Variants in DLC1 observed in about 807,000 individuals in gnomAD.
DLC1 encodes the protein DLC1 Rho GTPase activating protein.
A neutral mutation model predicts 140.3 loss-of-function variants in DLC1; 54 were observed. The observed-to-expected ratio is 0.38, with a 90% CI of 0.31 to 0.48. DLC1 has a LOEUF of 0.48. DLC1 is among the 20% of genes least tolerant of loss of function. DLC1 has a pLI of 0.96. For synonymous variants in DLC1, 986 were observed against 728.1 expected, an observed-to-expected ratio of 1.35 and a Z score of -5.70; for missense variants, 2,536 against 1,907.0, an observed-to-expected ratio of 1.33 and a Z score of -6.14.
intron 1 of DLC1, among the ~76,000 whole-genome samples, chr8:13,549,687 G>GCGT (rs1259693764): frequency 6.6e-6 from 1 of 152,080 alleles, no homozygotes; most frequent in Non-Finnish European, 1.5e-5. Flanking sequence ...ATTGAAATAG[G>GCGT]CCTGCCTGGC....
At chr8:13,240,073 G>C (rs1361324373) in intron 5 of DLC1, among the ~76,000 whole-genome samples, 1 of 152,048 alleles carries the variant, frequency 6.6e-6, no homozygotes, top group East Asian at 1.9e-4. Context: ...AAGATTAGGG[G>C]GACTTTTTTT....
intron 4 of DLC1, among the ~76,000 whole-genome samples, chr8:13,373,946 A>T (rs1271071784): frequency 6.6e-6 from 1 of 152,210 alleles, no homozygotes; most frequent in Non-Finnish European, 1.5e-5. Context: ...TTTATGGAAA[A>T]TTTGGCATAA....
At chr8:13,152,811 T>C (rs1265402587) in intron 5 of DLC1, among the ~76,000 whole-genome samples, 2 of 25,282 alleles carry the variant, frequency 7.9e-5, no homozygotes, top group African/African-American at 3.0e-4. Flanking sequence ...ACTGAGACCC[T>C]GTCTCTGGGG....
At chr8:13,214,849 G>T in intron 5 of DLC1, 1 of 748,550 alleles carries the variant, frequency 1.3e-6, no homozygotes. Context: ...TCAATGAGTG[G>T]CAATAGATGG....
intron 10 of DLC1, among the ~76,000 whole-genome samples, chr8:13,097,098 T>A (rs990143824): frequency 7.2e-5 from 11 of 152,160 alleles, no homozygotes; most frequent in African/African-American, 2.7e-4. Flanking sequence ...GAACAATTTG[T>A]ACAATGCATT....
chr8:13,188,813 A>G (rs1826549398), intron 5 of DLC1, among the ~76,000 whole-genome samples: 1 of 39,754 alleles, frequency 2.5e-5, no homozygotes, highest in Non-Finnish European at 4.8e-5. Flanking sequence ...ATATATATAT[A>G]TATATATATA....
At chr8:13,478,841 C>T (rs1025640238) in intron 2 of DLC1, among the ~76,000 whole-genome samples, 9 of 152,204 alleles carry the variant, frequency 5.9e-5, no homozygotes, top group East Asian at 1.9e-4. Flanking sequence ...CTTCAATTCT[C>T]GTTCTCCTTT....
At chr8:13,226,005 A>C (rs1022667934) in intron 5 of DLC1, among the ~76,000 whole-genome samples, 2 of 152,024 alleles carry the variant, frequency 1.3e-5, no homozygotes, top group African/African-American at 4.8e-5. Flanking sequence ...CTTGAACTCC[A>C]GGGCTCAATT....
At chr8:13,385,817 C>T (rs902442288) in intron 4 of DLC1, among the ~76,000 whole-genome samples, 7 of 152,126 alleles carry the variant, frequency 4.6e-5, no homozygotes, top group Admixed American at 2.6e-4. Flanking sequence ...AAGACATGAG[C>T]ACAGAGGCCA....
In DLC1 at chr8:13,088,521, C is replaced by T. The variant is rs1255814494; in HGVS notation, c.4258G>A (p.Ala1420Thr). 6.2e-6 allele frequency: 10 copies of T among 1,614,218 alleles called. No homozygotes were observed. Among genetic ancestry groups the T allele is most frequent in the East Asian group, 4.5e-5 (2 of 44,878 alleles). Residue 1420 changes from alanine to threonine, a missense_variant, in exon 16 of 18, where the codon GCA becomes ACA. Physicochemically the swap from Ala to Thr is moderately conservative, Grantham distance 58. Transcript: ENST00000276297. Reference sequence around the variant, plus strand: ...ACGTAGTCTCGAGCAGGATGAGGTGCCATACTGTTTTGGACATACTGGTAA... The same window carrying T: ...ACGTAGTCTCGAGCAGGATGAGGTGTCATACTGTTTTGGACATACTGGTAA... ...EIYQYVQNSM[A>T]PHPARDYVVL...
At chr8:13,304,793 C>T (rs1030502417) in intron 5 of DLC1, 1 of 960,460 alleles carries the variant, frequency 1.0e-6, no homozygotes, top group Non-Finnish European at 1.2e-6. Context: ...GCACAGAACA[C>T]AGAAAAATAC....
At chr8:13,594,164 A>T (rs916946467) in intron 1 of DLC1, among the ~76,000 whole-genome samples, 1 of 152,130 alleles carries the variant, frequency 6.6e-6, no homozygotes, top group Non-Finnish European at 1.5e-5. Flanking sequence ...TGGTCTCAAA[A>T]GAAGGAAAAA....
intron 5 of DLC1, among the ~76,000 whole-genome samples, chr8:13,293,886 T>C (rs370784144): frequency 7.2e-5 from 11 of 152,166 alleles, no homozygotes; most frequent in East Asian, 3.9e-4. Context: ...TAGATTTGTC[T>C]CATCTAATTA....
At chr8:13,520,591 T>C (rs922938411) in intron 1 of DLC1, among the ~76,000 whole-genome samples, 45 of 152,172 alleles carry the variant, frequency 3.0e-4, no homozygotes, top group African/African-American at 1.0e-3. Flanking sequence ...CTGCATGTTC[T>C]GCAAATGTAA....
At chr8:13,240,378 G>C (rs1423929427) in intron 5 of DLC1, among the ~76,000 whole-genome samples, 1 of 152,086 alleles carries the variant, frequency 6.6e-6, no homozygotes, top group Non-Finnish European at 1.5e-5. Flanking sequence ...TTTTAACTTT[G>C]GTGGAGAAAA....
intron 5 of DLC1, among the ~76,000 whole-genome samples, chr8:13,188,823 A>ATATATATATT (rs1826558185): frequency 2.6e-5 from 1 of 38,978 alleles, no homozygotes; most frequent in Non-Finnish European, 4.9e-5. Flanking sequence ...ATATATATAT[A>ATATATATATT]TATGTATATA....
chr8:13,559,267 G>T (rs192184062), intron 1 of DLC1: 5 of 152,256 alleles, frequency 3.3e-5, no homozygotes, highest in Non-Finnish European at 7.3e-5. Context: ...ATTCACTCAG[G>T]ATTCATAATC....
chr8:13,557,976 A>T (rs895118804), intron 1 of DLC1: 3 of 152,200 alleles, frequency 2.0e-5, no homozygotes, highest in Admixed American at 2.0e-4. Context: ...AAAATGTTAC[A>T]TATTGTTTTT....
At chr8:13,598,817 A>G (rs145860202) in intron 1 of DLC1, among the ~76,000 whole-genome samples, 73 of 152,186 alleles carry the variant, frequency 4.8e-4, no homozygotes, top group African/African-American at 5.1e-4. Context: ...ACTCTGCCTC[A>G]TTCCATGAAT....
Sources: allele counts gnomAD v4.1 joint callset (sites outside exome capture counted in the v4.1 genomes callset), GRCh38; gene constraint gnomAD v4.1.1; transcripts MANE v1.5; gene names NCBI Gene and HGNC (gene_info 2026-07-23, HGNC 2026-07-21).